The following SMC4 variants were observed in gnomAD, a reference collection of about 807,000 sequenced individuals.
The protein encoded by SMC4 is structural maintenance of chromosomes 4, also known as structural maintenance of chromosomes protein 4.
In SMC4, 87 loss-of-function variants were observed where a neutral mutation model predicts 145.6. The observed-to-expected ratio is 0.60, with a 90% confidence interval of 0.50 to 0.71. The LOEUF (loss-of-function observed/expected upper bound fraction) is 0.71, where lower values mean the gene tolerates loss of function less well. SMC4 is among the 30% of genes least tolerant of loss of function. The pLI, the probability that SMC4 is intolerant of heterozygous loss-of-function variation, is 0.00. For missense variants in SMC4, 1,447 were observed against 1,537.1 expected (o/e 0.94, Z 0.98); for synonymous variants, 558 against 500.7 (o/e 1.11, Z -1.53).
At chr3:160,400,537 T>G (rs1559984167) in intron 1 of SMC4, 1 of 367,170 alleles carries the variant, frequency 2.7e-6, no homozygotes. Context: ...GGCGGACGGG[T>G]GGAGAGCCTT....
chr3:160,402,251 A>G (rs1312845467), intron 3 of SMC4, among the ~76,000 whole-genome samples, 158 bp downstream of exon 3: 2 of 151,982 alleles, frequency 1.3e-5, no homozygotes, highest in East Asian at 1.9e-4. Flanking sequence ...ACACACACAC[A>G]CACGTTTCAT....
chr3:160,425,653 T>C (rs1392553232), intron 16 of SMC4, among the ~76,000 whole-genome samples: 1 of 152,226 alleles, frequency 6.6e-6, no homozygotes, highest in Non-Finnish European at 1.5e-5. Context: ...AAAAAATCCT[T>C]GTAGGTATAC....
Position 160,421,079 on chromosome 3 carries a change from G to T in SMC4, c.2019+178G>T, listed in dbSNP as rs374255062. ...CGAGTATCTGGTACTACAGGTGCCC[G>T]CCACCACACCCAGCTAATTTTTTTG... is the stretch of plus-strand genomic sequence containing the variant. On this transcript the variant is annotated intron_variant, in intron 13 of 23. Coordinates refer to ENST00000357388, the MANE Select transcript of SMC4 (RefSeq NM_001002800.3). Among the ~76,000 whole-genome samples, 65 of 152,090 alleles carry T rather than the reference G, an allele frequency of 4.3e-4. 1 individual carries two copies. In the East Asian group the frequency reaches 6.2e-3, roughly 15 times the overall value.
chr3:160,425,827 C>T (rs770695562), intron 16 of SMC4, among the ~76,000 whole-genome samples: 1 of 152,134 alleles, frequency 6.6e-6, no homozygotes, highest in Non-Finnish European at 1.5e-5. Flanking sequence ...TCTTTGAACA[C>T]TAGGGTGGTC....
At chr3:160,402,586 T>TA (rs1038090558) in intron 3 of SMC4, 90 bp from the exon 4 acceptor site, 14 of 1,367,720 alleles carry the variant, frequency 1.0e-5, no homozygotes, top group East Asian at 2.5e-5. Context: ...TAACTGCAAG[T>TA]AAAAAAATCT....
chr3:160,428,806 T>A lies in SMC4; in HGVS notation c.2659T>A (p.Leu887Ile). Residue 887 changes from leucine (L) to isoleucine (I), a missense_variant, in exon 18 of 24, where the codon TTA becomes ATA. Coordinates refer to ENST00000357388, the MANE Select transcript of SMC4 (RefSeq NM_001002800.3). The stretch of plus-strand genomic sequence containing the variant: ...TAAAGTAGAAGCTGAGGTTAAACGC[T>A]TACACAATACCATCGTAGAAATCAA... ...AGKVEAEVKR[L>I]HNTIVEINNH... 6.2e-7 allele frequency: 1 copy of A among 1,604,614 alleles called. No individual in the cohort carries two copies. The highest frequency in any genetic ancestry group is 8.5e-7 in the Non-Finnish European group (1 of 1,177,980).
chr3:160,404,343 G>A lies in SMC4; in HGVS notation c.526G>A (p.Glu176Lys). The change falls in exon 5 of 24, where the codon GAA becomes AAA. Residue 176 changes from glutamate to lysine, a missense_variant. Transcript: ENST00000357388. ...CTCAAAACAGGAAGGGGATGATTAT[G>A]AAGTCATTCCTAACAGTAATTTCTA... Reference protein sequence around the residue: ...KIIDKEGDDYEVIPNSNFYVS... With the variant: ...KIIDKEGDDYKVIPNSNFYVS... 6.2e-7 allele frequency: 1 copy of A among 1,604,656 alleles called. No individual in the cohort carries two copies.
intron 18 of SMC4, among the ~76,000 whole-genome samples, chr3:160,429,985 G>A (rs892737468): frequency 2.0e-5 from 3 of 152,122 alleles, no homozygotes; most frequent in Admixed American, 6.5e-5. Flanking sequence ...AAAGTGCTGG[G>A]ATTACAGGCA....
At chr3:160,423,241 C>G (rs1317164312) in intron 13 of SMC4, among the ~76,000 whole-genome samples, 184 bp from the exon 14 acceptor site, 1 of 151,940 alleles carries the variant, frequency 6.6e-6, no homozygotes, top group African/African-American at 2.4e-5. Context: ...GGCATCTTAA[C>G]GGTATTAAAT....
chr3:160,434,159 G>T lies in SMC4; in HGVS notation c.*350G>T. The T allele has an allele frequency of 5.7e-6, 1 of 174,374 alleles. No individual in the cohort carries two copies. The highest frequency in any genetic ancestry group is 1.2e-5 in the Non-Finnish European group (1 of 83,174). 10.8% of individuals were successfully genotyped at this position (174,374 alleles called of 1,614,324 possible). ...GTGGGCCTTTGATTTACCAACACTG[G>T]AAATGCCTGCCAACTAATCTTGGAT... is the stretch of plus-strand genomic sequence containing the variant. On this transcript the variant is annotated 3_prime_UTR_variant, in exon 24 of 24. Transcript: ENST00000357388.
chr3:160,428,990 A>G (rs1324701818), intron 18 of SMC4, 48 bp downstream of exon 18: 11 of 1,435,880 alleles, frequency 7.7e-6, no homozygotes, highest in Middle Eastern at 1.8e-4. Context: ...CCCTGCCTTC[A>G]CATTGGAAAG....
chr3:160,430,179 T>TAAGGAGGTAATAAGGGAG (rs74281985), intron 18 of SMC4, among the ~76,000 whole-genome samples: 78,855 of 151,468 alleles, frequency 0.52, 21,019 homozygotes, highest in African/African-American at 0.55. Flanking sequence ...TGCTCAGAGA[T>TAAGGAGGTAATAAGGGAG]AAGGAGGTAA....
chr3:160,417,784 A>T lies in SMC4; in HGVS notation c.1499A>T (p.Asp500Val). Reference protein sequence around the residue: ...KSVNEARSKMDVAQSELDIYL... With the variant: ...KSVNEARSKMVVAQSELDIYL... ...GTAAATGAAGCACGTTCAAAGATGG[A>T]TGTAGCCCAGTCAGAACTTGATATC... The change falls in exon 11 of 24, where the codon GAT becomes GTT. Residue 500 changes from aspartate to valine, a missense_variant. Transcript: ENST00000357388. 6.2e-7 allele frequency: 1 copy of T among 1,613,600 alleles called. No individual in the cohort carries two copies. Among genetic ancestry groups the T allele is most frequent in the Non-Finnish European group, 8.5e-7 (1 of 1,179,812 alleles).
chr3:160,425,022 ATGTGTGTGTGTG>A lies in SMC4; in HGVS notation c.2478+23_2478+34del, dbSNP rs66870368. The A allele has an allele frequency of 8.4e-5, 123 of 1,469,518 alleles. No individual in the cohort carries two copies. The highest frequency in any genetic ancestry group is 8.4e-4 in the East Asian group (34 of 40,694). 91.0% of individuals were successfully genotyped at this position (1,469,518 alleles called of 1,614,324 possible). ...AAAAATTTACTGCAAGCATCCAGGTATGTGTGTGTGTGTGTGTGTGTGTGTGTGTGTACTGAA... is the reference window on the plus strand; with the variant it reads ...AAAAATTTACTGCAAGCATCCAGGTATGTGTGTGTGTGTGTGTGTACTGAA... On this transcript the variant is annotated splice_donor_5th_base_variant and intron_variant, in intron 16 of 23. Transcript: ENST00000357388.
chr3:160,408,840 A>G (rs527811902), intron 5 of SMC4, among the ~76,000 whole-genome samples: 2 of 152,304 alleles, frequency 1.3e-5, no homozygotes, highest in East Asian at 3.9e-4. Flanking sequence ...ACATCAAAGA[A>G]CAGAGCAACA....
At position 160,404,461 on chromosome 3, in the gene SMC4, G is replaced by A; in HGVS notation, c.644G>A (p.Ser215Asn). Residue 215 changes from serine to asparagine, a missense_variant, in exon 5 of 24, where the codon AGC (serine) becomes AAC (asparagine). Transcript: ENST00000357388. ...TFKDVGNLLR[S>N]HGIDLDHNRF... is the part of the protein sequence containing the mutation. ...AAGGATGTTGGAAATCTTCTTCGAA[G>A]CCATGGAATTGACTTGGACCATAAT... 1 of 1,610,316 alleles carries A rather than the reference G, an allele frequency of 6.2e-7. No homozygotes were observed. Among genetic ancestry groups the A allele is most frequent in the Admixed American group, 1.7e-5 (1 of 59,134 alleles).
intron 5 of SMC4, among the ~76,000 whole-genome samples, chr3:160,408,967 G>GT (rs1247472374): frequency 6.6e-6 from 1 of 151,892 alleles, no homozygotes; most frequent in Non-Finnish European, 1.5e-5. Context: ...ATGGTAACTG[G>GT]TTTAAAAAAA....
chr3:160,431,353 T>A, intron 20 of SMC4, 148 bp downstream of exon 20: 1 of 687,184 alleles, frequency 1.5e-6, no homozygotes, highest in Non-Finnish European at 2.3e-6. Flanking sequence ...TTCTAAGGTT[T>A]ATAGGGGACA....
rs539359537 is a variant in SMC4, at chr3:160,423,506, G to C, written c.2101G>C (p.Asp701His). ...PRLFDLVKVK[D>H]EKIRQAFYFA... ...TTTATTTGATTTAGTAAAAGTAAAA[G>C]ATGAGAAAATTCGCCAAGCTTTTTA... The change falls in exon 14 of 24, where the codon GAT (aspartate) becomes CAT (histidine). Residue 701 changes from aspartate to histidine, a missense_variant. Coordinates refer to ENST00000357388, the MANE Select transcript of SMC4 (RefSeq NM_001002800.3). 1 of 1,613,726 alleles carries C rather than the reference G, an allele frequency of 6.2e-7. No individual in the cohort carries two copies. Among genetic ancestry groups the C allele is most frequent in the South Asian group, 1.1e-5 (1 of 91,062 alleles).
Sources: gnomAD v4.1 joint callset for allele counts (sites outside exome capture counted in the v4.1 genomes callset) on GRCh38, gnomAD v4.1.1 for gene constraint, MANE v1.5 for transcripts, NCBI Gene and HGNC (gene_info 2026-07-23, HGNC 2026-07-21) for gene names.